The following GRAMD1A variants were observed in gnomAD, a reference collection of about 807,000 sequenced individuals.
GRAMD1A encodes the protein GRAM domain containing 1A, also known as protein Aster-A.
Under a neutral mutation model 92.0 loss-of-function variants are expected in GRAMD1A, and 50 were observed. That is an observed-to-expected ratio of 0.54 (90% confidence interval 0.43 to 0.69). The LOEUF (loss-of-function observed/expected upper bound fraction) is 0.69. Among genes scored for constraint, GRAMD1A ranks in the 30% least tolerant of loss-of-function variants. The pLI, the probability that GRAMD1A is intolerant of heterozygous loss-of-function variation, is 0.00. For synonymous variants in GRAMD1A, 405 were observed against 403.6 expected (o/e 1.00, Z -0.04); for missense variants, 819 against 978.9 (o/e 0.84, Z 2.18).
intron 6 of GRAMD1A, among the ~76,000 whole-genome samples, chr19:35,011,120 A>G (rs1252548533): frequency 1.4e-5 from 2 of 144,440 alleles, no homozygotes; most frequent in Admixed American, 6.9e-5. Flanking sequence ...AAAAAAAAAA[A>G]GGATCAACTG....
At chr19:35,023,123 T>A in intron 17 of GRAMD1A, 113 bp from the exon 18 acceptor site, 1 of 862,684 alleles carries the variant, frequency 1.2e-6, no homozygotes, top group Non-Finnish European at 2.0e-6. Flanking sequence ...TCTCTGAGCC[T>A]AATTCTCCTC....
At position 35,021,896 on chromosome 19, in the gene GRAMD1A, C is replaced by T. The variant is rs372685169; in HGVS notation, c.1753+32C>T. 4.5e-5 allele frequency: 73 copies of T among 1,607,298 alleles called. No individual in the cohort carries two copies. Among genetic ancestry groups the T allele is most frequent in the Admixed American group, 3.4e-5 (2 of 59,466 alleles). Reference sequence around the variant, plus strand: ...TCCGTTGGGGCCGGGTTGGGGTAGGCGGAGGATCGGGGGTCCTGGACTGGG... The same window carrying T: ...TCCGTTGGGGCCGGGTTGGGGTAGGTGGAGGATCGGGGGTCCTGGACTGGG... On this transcript the variant is annotated intron_variant, in intron 15 of 19. Coordinates refer to ENST00000317991, the MANE Select transcript of GRAMD1A (RefSeq NM_020895.5). This position sits in a 1 kb window ranked among gnomAD's most constrained non-coding sequence, Gnocchi z 5.3.
chr19:34,995,985 C>T (rs1213827998), upstream of GRAMD1A: 8 of 1,487,656 alleles, frequency 5.4e-6, no homozygotes, highest in Admixed American at 1.1e-4. Flanking sequence ...TCTTTTTTCT[C>T]TTTCCCAGAG....
At chr19:34,996,076 T>G, upstream of GRAMD1A, 1 of 1,535,744 alleles carries the variant, frequency 6.5e-7, no homozygotes, top group Non-Finnish European at 8.7e-7. Flanking sequence ...CACAGGGCAG[T>G]CCCCAGGGCT....
In GRAMD1A at chr19:35,026,448, C is replaced by T. The variant is rs2016447111; in HGVS notation, c.*307C>T. On this transcript the variant is annotated 3_prime_UTR_variant, in exon 20 of 20. Coordinates refer to ENST00000317991, the MANE Select transcript of GRAMD1A (RefSeq NM_020895.5). ...TTATATTTATTTGGGGCCGACAGTGCCCCAATAAAGGGTCAGAAGTGGCTG... is the reference window on the plus strand; with the variant it reads ...TTATATTTATTTGGGGCCGACAGTGTCCCAATAAAGGGTCAGAAGTGGCTG... 2.8e-6 allele frequency: 1 copy of T among 362,806 alleles called. No individual in the cohort carries two copies. Among genetic ancestry groups the T allele is most frequent in the Non-Finnish European group, 5.1e-6 (1 of 198,000 alleles). 22.5% of individuals were successfully genotyped at this position (362,806 alleles called of 1,614,324 possible).
intron 11 of GRAMD1A, among the ~76,000 whole-genome samples, chr19:35,018,703 C>T (rs1187711940): frequency 2.0e-5 from 3 of 152,176 alleles, no homozygotes; most frequent in Non-Finnish European, 4.4e-5. Context: ...CAAAGATGGG[C>T]TGAACCAGGA....
intron 11 of GRAMD1A, among the ~76,000 whole-genome samples, chr19:35,017,513 T>G (rs1249894333): frequency 6.6e-6 from 1 of 152,096 alleles, no homozygotes; most frequent in African/African-American, 2.4e-5. Flanking sequence ...GAATCTCTTT[T>G]GTAGCCTCCC....
intron 19 of GRAMD1A, among the ~76,000 whole-genome samples, chr19:35,024,600 G>A (rs780997813): frequency 2.6e-5 from 4 of 152,112 alleles, no homozygotes; most frequent in Admixed American, 6.6e-5. Flanking sequence ...TGTGGGTGAC[G>A]GTGAAAATCT....
At chr19:34,996,196 G>A (rs949304193), upstream of GRAMD1A, 40 of 1,535,476 alleles carry the variant, frequency 2.6e-5, no homozygotes, top group Non-Finnish European at 3.0e-5. Context: ...TTCACATAAC[G>A]CCATCCAGTG....
At chr19:35,007,192 G>A (rs1049370199) in intron 1 of GRAMD1A, among the ~76,000 whole-genome samples, 6 of 152,234 alleles carry the variant, frequency 3.9e-5, no homozygotes, top group Admixed American at 2.6e-4. Flanking sequence ...TAGGACACCA[G>A]TGAAGAGGCT....
chr19:35,007,864 C>A (rs914798366), intron 1 of GRAMD1A, among the ~76,000 whole-genome samples: 2 of 150,550 alleles, frequency 1.3e-5, no homozygotes, highest in African/African-American at 4.9e-5. Context: ...CAGAGCGAGA[C>A]CCTATCTCTA....
At chr19:35,022,242 G>T (rs953121757) in intron 16 of GRAMD1A, among the ~76,000 whole-genome samples, 1 of 152,124 alleles carries the variant, frequency 6.6e-6, no homozygotes, top group Non-Finnish European at 1.5e-5. Flanking sequence ...AGAGCCGGGG[G>T]GGGCTATGGG....
chr19:34,997,402 A>AAAAG (rs1176059903), upstream of GRAMD1A, among the ~76,000 whole-genome samples: 59 of 151,298 alleles, frequency 3.9e-4, no homozygotes, highest in African/African-American at 7.5e-4. Context: ...AAAAAAAAAA[A>AAAAG]AAGAAGAAGA....
rs1479764160 is a variant in GRAMD1A, at chr19:35,021,888, G to C, written c.1753+24G>C. 6.2e-7 allele frequency: 1 copy of C among 1,607,114 alleles called. No homozygotes were observed. The highest frequency in any genetic ancestry group is 8.5e-7 in the Non-Finnish European group (1 of 1,175,680). On this transcript the variant is annotated intron_variant, in intron 15 of 19. Coordinates refer to ENST00000317991, the MANE Select transcript of GRAMD1A (RefSeq NM_020895.5). The surrounding 1 kb of genome is among the most constrained non-coding windows in gnomAD (Gnocchi z 5.3). Reference sequence around the variant, plus strand: ...GGGTACGTTCCGTTGGGGCCGGGTTGGGGTAGGCGGAGGATCGGGGGTCCT... The same window carrying C: ...GGGTACGTTCCGTTGGGGCCGGGTTCGGGTAGGCGGAGGATCGGGGGTCCT...
chr19:34,998,721 C>T (rs1341324989), upstream of GRAMD1A: 1 of 149,916 alleles, frequency 6.7e-6, no homozygotes, highest in African/African-American at 2.5e-5. Context: ...GCCTCTCTTC[C>T]ATTGGCCGGT....
chr19:35,000,521 C>T lies in GRAMD1A; in HGVS notation c.8+35C>T. The T allele has an allele frequency of 3.2e-6, 4 of 1,249,014 alleles. No homozygotes were observed. 77.4% of individuals were successfully genotyped at this position (1,249,014 alleles called of 1,614,324 possible). The stretch of plus-strand genomic sequence containing the variant: ...GGGCGACTAGAGCTCAGGGACCGGG[C>T]GCGCGGGGGAGGCCACCGGAGGGAG... On this transcript the variant is annotated intron_variant, in intron 1 of 19. Transcript: ENST00000317991. This position sits in a 1 kb window ranked among gnomAD's most constrained non-coding sequence, Gnocchi z 4.9.
chr19:35,004,677 G>A (rs1309427493), intron 1 of GRAMD1A, among the ~76,000 whole-genome samples: 3 of 152,202 alleles, frequency 2.0e-5, no homozygotes, highest in Non-Finnish European at 2.9e-5. Context: ...TCATGGAGGC[G>A]CCTAACATCA....
rs141634669 is a variant in GRAMD1A, at chr19:35,022,921, C to T, written c.1853+10C>T. On this transcript the variant is annotated intron_variant, in intron 17 of 19. Coordinates refer to ENST00000317991, the MANE Select transcript of GRAMD1A (RefSeq NM_020895.5). ...GCAGGATCTGTGTGAGGTAGGGTCC[C>T]GAGTCCTCCCCCTGCCCTCCCCTCC... The T allele has an allele frequency of 5.5e-3, 8,757 of 1,592,142 alleles. 48 individuals carry two copies. The highest frequency in any genetic ancestry group is 9.4e-3 in the Middle Eastern group (52 of 5,556).
At position 35,021,205 on chromosome 19, in the gene GRAMD1A, T is replaced by C. The variant is rs753983789; in HGVS notation, c.1476-297T>C. Among the ~76,000 whole-genome samples the C allele has an allele frequency of 2.4e-4, 37 of 152,076 alleles. No homozygotes were observed. Among genetic ancestry groups the C allele is most frequent in the Non-Finnish European group, 3.2e-4 (22 of 68,016 alleles). ...GCCGAATGGAAGAGGTTCAGGGGCA[T>C]GGTCTGGTTAAGACGTCAGTCTGTG... On this transcript the variant is annotated intron_variant, in intron 13 of 19. Coordinates refer to ENST00000317991, the MANE Select transcript of GRAMD1A (RefSeq NM_020895.5). The surrounding 1 kb of genome is among the most constrained non-coding windows in gnomAD (Gnocchi z 5.3).
Sources: gnomAD v4.1 joint callset for allele counts (sites outside exome capture counted in the v4.1 genomes callset) on GRCh38, gnomAD v4.1.1 for gene constraint, Gnocchi (gnomAD v3.1) non-coding constraint, MANE v1.5 for transcripts, NCBI Gene and HGNC (gene_info 2026-07-23, HGNC 2026-07-21) for gene names.